R3HDM4: variants seen among roughly 807,000 people sequenced by gnomAD.
R3HDM4 encodes the protein R3H domain containing 4.
In R3HDM4, 30 loss-of-function variants were observed where a neutral mutation model predicts 31.3. That is an observed-to-expected ratio of 0.96 (90% confidence interval 0.72 to 1.30). The LOEUF is 1.30. Ranked by LOEUF, R3HDM4 falls within the 50% of genes most tolerant of loss-of-function variation. The probability of loss-of-function intolerance (pLI) is 0.00; values close to 1 mark genes in which losing one functional copy is unlikely to be tolerated. For synonymous variants in R3HDM4, 196 were observed against 156.6 expected, an observed-to-expected ratio of 1.25 and a Z score of -1.88; for missense variants, 444 against 366.1, an observed-to-expected ratio of 1.21 and a Z score of -1.74.
chr19:910,052 G>A (rs1277413737), intron 1 of R3HDM4, among the ~76,000 whole-genome samples: 3 of 152,168 alleles, frequency 2.0e-5, no homozygotes, highest in East Asian at 1.9e-4. Flanking sequence ...CAGGCCGGGC[G>A]CAGTGGCTCA....
In R3HDM4 at chr19:913,171, T is replaced by TCGC. The variant is rs947644831; in HGVS notation, c.-17_-15dup. On this transcript the variant is annotated 5_prime_UTR_variant, in exon 1 of 8. Coordinates refer to ENST00000361574, the MANE Select transcript of R3HDM4 (RefSeq NM_138774.4). This position sits in a 1 kb window ranked among gnomAD's most constrained non-coding sequence, Gnocchi z 5.0. Reference sequence around the variant, plus strand: ...CAGCGCGACCATGGCTCGCACGCTGTCGCCGCCGCCGCCGCCCGGCAGGGC... The same window carrying TCGC: ...CAGCGCGACCATGGCTCGCACGCTGTCGCCGCCGCCGCCGCCGCCCGGCAGGGC... 62 of 1,063,568 alleles carry TCGC rather than the reference T, an allele frequency of 5.8e-5. No homozygotes were observed. The highest frequency in any genetic ancestry group is 3.7e-4 in the East Asian group (5 of 13,602). The allele number at this position is 1,063,568 out of a possible 1,614,324, so 65.9% of individuals were successfully genotyped here.
chr19:911,832 G>A (rs921885046), intron 1 of R3HDM4, among the ~76,000 whole-genome samples: 36 of 152,048 alleles, frequency 2.4e-4, no homozygotes, highest in Non-Finnish European at 7.4e-5. Flanking sequence ...CTGCTTGCCA[G>A]GTTTTAACCC....
intron 1 of R3HDM4, among the ~76,000 whole-genome samples, chr19:904,473 A>C (rs1013908767): frequency 6.6e-6 from 1 of 151,540 alleles, no homozygotes; most frequent in African/African-American, 2.4e-5. Context: ...AAAGCAACCC[A>C]CTCCACCCCT....
intron 1 of R3HDM4, among the ~76,000 whole-genome samples, chr19:905,703 G>T (rs995240116): frequency 5.5e-5 from 8 of 144,836 alleles, no homozygotes; most frequent in Non-Finnish European, 9.0e-5. Flanking sequence ...AAAAAAAAAA[G>T]TAAGCAAGGT....
In R3HDM4 at chr19:897,526, C is replaced by T; in HGVS notation, c.718G>A (p.Gly240Arg). ...TTACTGACCTTCATCTGCCGCTTCC[C>T]CTCCAGGTCAGCACCTGCAGACGGG... ...DLISASADLE[G>R]KRQMKVSNRH... The change falls in exon 8 of 8, where the codon GGG (glycine) becomes AGG (arginine). Residue 240 changes from glycine (G) to arginine (R), a missense_variant. Physicochemically the swap from Gly to Arg is moderately radical, Grantham distance 125 (BLOSUM62 -2). Transcript: ENST00000361574. The T allele has an allele frequency of 1.2e-6, 2 of 1,612,390 alleles. No homozygotes were observed. Among genetic ancestry groups the T allele is most frequent in the Non-Finnish European group, 1.7e-6 (2 of 1,179,384 alleles).
intron 7 of R3HDM4, 138 bp from the exon 8 acceptor site, chr19:897,678 G>A (rs1382439466): frequency 3.0e-6 from 2 of 671,990 alleles, no homozygotes; most frequent in Non-Finnish European, 5.1e-6. Context: ...CTGCGGCCTG[G>A]CTGGCCCTAA....
At chr19:901,643 C>G in intron 2 of R3HDM4, 97 bp from the exon 3 acceptor site, 1 of 1,464,688 alleles carries the variant, frequency 6.8e-7, no homozygotes, top group Non-Finnish European at 9.2e-7. Context: ...TTTTTATCAT[C>G]TCAACCTCCG....
At chr19:912,459 G>A (rs2036988593) in intron 1 of R3HDM4, among the ~76,000 whole-genome samples, 1 of 112,994 alleles carries the variant, frequency 8.9e-6, no homozygotes, top group Admixed American at 8.7e-5. Context: ...GAGTTGGGGG[G>A]CTGACCCGAG....
chr19:898,711 G>C (rs1266504910), intron 7 of R3HDM4, among the ~76,000 whole-genome samples: 1 of 151,898 alleles, frequency 6.6e-6, no homozygotes, highest in Non-Finnish European at 1.5e-5. Flanking sequence ...TCCCCATCTT[G>C]CTGGGACCCC....
chr19:903,230 C>G (rs930336918), intron 1 of R3HDM4, among the ~76,000 whole-genome samples: 8 of 59,552 alleles, frequency 1.3e-4, no homozygotes, highest in Admixed American at 6.6e-4. Context: ...ATGCCTCAGC[C>G]CCCCCCGCAA....
In R3HDM4 at chr19:907,813, G is replaced by A. The variant is rs2036925242; in HGVS notation, c.71+5274C>T. Among the ~76,000 whole-genome samples the A allele has an allele frequency of 6.6e-6, 1 of 152,186 alleles. No homozygotes were observed. The highest frequency in any genetic ancestry group is 1.5e-5 in the Non-Finnish European group (1 of 68,028). ...CGCCTGTTTTGTTTGGTATCTGAGG[G>A]CTCGCCACCCTCCCCTGGGTCTCTA... On this transcript the variant is annotated intron_variant, in intron 1 of 7. Transcript: ENST00000361574. This position sits in a 1 kb window ranked among gnomAD's most constrained non-coding sequence, Gnocchi z 4.1.
chr19:899,983 A>G lies in R3HDM4; in HGVS notation c.561+78T>C, dbSNP rs2036803879. 7.1e-7 allele frequency: 1 copy of G among 1,409,412 alleles called. No homozygotes were observed. The highest frequency in any genetic ancestry group is 1.0e-6 in the Non-Finnish European group (1 of 997,876). 87.3% of individuals were successfully genotyped at this position (1,409,412 alleles called of 1,614,324 possible). On this transcript the variant is annotated intron_variant, in intron 5 of 7. Coordinates refer to ENST00000361574, the MANE Select transcript of R3HDM4 (RefSeq NM_138774.4). This position sits in a 1 kb window ranked among gnomAD's most constrained non-coding sequence, Gnocchi z 6.8. Reference sequence around the variant, plus strand: ...CCCCTGACACGACCTGCACCGGGTGAGAACCTGTGCCTGGGAAACGGGCCT... The same window carrying G: ...CCCCTGACACGACCTGCACCGGGTGGGAACCTGTGCCTGGGAAACGGGCCT...
In R3HDM4 at chr19:901,632, T is replaced by A; in HGVS notation, c.227-86A>T. On this transcript the variant is annotated intron_variant, in intron 2 of 7. Coordinates refer to ENST00000361574, the MANE Select transcript of R3HDM4 (RefSeq NM_138774.4). ...GGGACCCAAGAACTAGCCTTCCTCC[T>A]TTTTTATCATCTCAACCTCCGCACC... 8.0e-6 allele frequency: 12 copies of A among 1,505,978 alleles called. 1 individual carries two copies. The South Asian group carries it at 1.5e-4, about 18-fold the overall frequency. The allele number at this position is 1,505,978 out of a possible 1,614,324, so 93.3% of individuals were successfully genotyped here.
Position 902,120 on chromosome 19 carries a change from T to C in R3HDM4, c.82A>G (p.Ser28Gly), listed in dbSNP as rs779698632. ...GAGCTGGCTAGGGCAGGCAGGCAGC[T>C]GGGAAGGGGCCTGTGGGCCGGGGCA... Reference protein sequence around the residue: ...PGGRRLLPLPSCLPALASSQV... With the variant: ...PGGRRLLPLPGCLPALASSQV... Residue 28 changes from serine (S) to glycine (G), a missense_variant, in exon 2 of 8, where the codon AGC (serine) becomes GGC (glycine). Physicochemically the swap from Ser to Gly is moderately conservative, Grantham distance 56 (BLOSUM62 0). Transcript: ENST00000361574. 3.7e-6 allele frequency: 6 copies of C among 1,612,950 alleles called. No individual in the cohort carries two copies. In the South Asian group the frequency reaches 5.5e-5, roughly 15 times the overall value.
At chr19:902,169 C>T (rs368374862) in intron 1 of R3HDM4, 39 bp from the exon 2 acceptor site, 60 of 1,605,436 alleles carry the variant, frequency 3.7e-5, no homozygotes, top group African/African-American at 2.8e-4. Context: ...GGGTCAAGGC[C>T]GGCCAGGATC....
chr19:910,107 C>T (rs1367931214), intron 1 of R3HDM4, among the ~76,000 whole-genome samples: 1 of 152,144 alleles, frequency 6.6e-6, no homozygotes, highest in Non-Finnish European at 1.5e-5. Context: ...CGGTGGATCA[C>T]CTGAGGTTGG....
Position 899,092 on chromosome 19 carries a change from C to T in R3HDM4, c.703+348G>A, listed in dbSNP as rs899720846. 8.5e-5 allele frequency among the ~76,000 whole-genome samples: 13 copies of T among 152,106 alleles called. No individual in the cohort carries two copies. Among genetic ancestry groups the T allele is most frequent in the African/African-American group, 2.9e-4 (12 of 41,416 alleles). On this transcript the variant is annotated intron_variant, in intron 7 of 7. Coordinates refer to ENST00000361574, the MANE Select transcript of R3HDM4 (RefSeq NM_138774.4). The surrounding 1 kb of genome is among the most constrained non-coding windows in gnomAD (Gnocchi z 6.8). ...GGGAGGCCTTAGAGTTAAATGCAAA[C>T]CTTCCAGACACTGCGTCCCCCCATC... is the stretch of plus-strand genomic sequence containing the variant.
Position 899,596 on chromosome 19 carries a change from C to A in R3HDM4, c.647+5G>T. On this transcript the variant is annotated splice_donor_5th_base_variant and intron_variant, in intron 6 of 7. Coordinates refer to ENST00000361574, the MANE Select transcript of R3HDM4 (RefSeq NM_138774.4). The surrounding 1 kb of genome is among the most constrained non-coding windows in gnomAD (Gnocchi z 6.8). ...GGGTCCGCTCGCCTGGCCGCCCCCC[C>A]TTACCTGTTGTCTAGCATTGCTGTG... 1 of 1,612,506 alleles carries A rather than the reference C, an allele frequency of 6.2e-7. No homozygotes were observed. The highest frequency in any genetic ancestry group is 1.1e-5 in the South Asian group (1 of 91,024).
At chr19:912,723 G>A (rs1343174389) in intron 1 of R3HDM4, among the ~76,000 whole-genome samples, 1 of 135,484 alleles carries the variant, frequency 7.4e-6, no homozygotes, top group African/African-American at 2.8e-5. Context: ...CCAGTGCAGT[G>A]GGGGGGCGGA....
Sources: allele counts gnomAD v4.1 joint callset (sites outside exome capture counted in the v4.1 genomes callset), GRCh38; gene constraint gnomAD v4.1.1; non-coding constraint Gnocchi (gnomAD v3.1); transcripts MANE v1.5; gene names NCBI Gene and HGNC (gene_info 2026-07-23, HGNC 2026-07-21).